The following CDH18 variants were observed in gnomAD, a reference collection of about 807,000 sequenced individuals.
The protein encoded by CDH18 is cadherin-18.
In CDH18, 31 loss-of-function variants were observed where a neutral mutation model predicts 67.9. The ratio of observed to expected loss-of-function variants is 0.46; its 90% CI spans 0.34 to 0.62. The LOEUF (loss-of-function observed/expected upper bound fraction) is 0.62. CDH18 is among the 20% of genes least tolerant of loss of function. The pLI is 0.01. For missense variants in CDH18, 890 were observed against 975.5 expected, an observed-to-expected ratio of 0.91 and a Z score of 1.17; for synonymous variants, 362 against 347.2, an observed-to-expected ratio of 1.04 and a Z score of -0.48.
chr5:19,779,409 T>C (rs538180091), intron 3 of CDH18, among the ~76,000 whole-genome samples: 1 of 152,192 alleles, frequency 6.6e-6, no homozygotes, highest in Non-Finnish European at 1.5e-5. Flanking sequence ...GAATAAATTA[T>C]TGTAACAAAT....
chr5:19,631,844 C>CT (rs1182290527), intron 5 of CDH18, among the ~76,000 whole-genome samples: 1 of 151,968 alleles, frequency 6.6e-6, no homozygotes, highest in African/African-American at 2.4e-5. Flanking sequence ...GGCAATTCCA[C>CT]TTTTTTTGGT....
chr5:20,363,820 A>G (rs1742300834), intron 1 of CDH18, among the ~76,000 whole-genome samples: 1 of 152,130 alleles, frequency 6.6e-6, no homozygotes, highest in Non-Finnish European at 1.5e-5. Context: ...CAGGATAGCA[A>G]AAAAGACCAA....
Position 20,172,196 on chromosome 5 carries a change from A to G in CDH18, c.-518+83248T>C, listed in dbSNP as rs1420850413. Among the ~76,000 whole-genome samples the G allele has an allele frequency of 1.6e-3, 71 of 45,432 alleles. 1 individual carries two copies. Among genetic ancestry groups the G allele is most frequent in the Middle Eastern group, 0.011 (1 of 90 alleles). The allele number at this position is 45,432 out of a possible 152,430, so 29.8% of individuals were successfully genotyped here. A position where few individuals can be genotyped will look rare whatever the true frequency, so the allele number is the denominator to read the frequency against. ...GATATCAATAGCATTGTGTGTATATATATATATATATATATATATATATAT... is the reference window on the plus strand; with the variant it reads ...GATATCAATAGCATTGTGTGTATATGTATATATATATATATATATATATAT... On this transcript the variant is annotated intron_variant, in intron 2 of 14. Transcript: ENST00000507958.
intron 2 of CDH18, among the ~76,000 whole-genome samples, chr5:20,030,454 T>C (rs1739299106): frequency 6.6e-6 from 1 of 152,128 alleles, no homozygotes; most frequent in Admixed American, 6.5e-5. Flanking sequence ...ATTATTGTAG[T>C]TTTTCTAGTA....
chr5:20,456,185 G>A (rs1010924424), intron 1 of CDH18, among the ~76,000 whole-genome samples: 3 of 152,076 alleles, frequency 2.0e-5, no homozygotes, highest in East Asian at 1.9e-4. Context: ...GTAGACTCAC[G>A]ACATGTAAAT....
chr5:20,232,339 A>C (rs982354845), intron 2 of CDH18, among the ~76,000 whole-genome samples: 2 of 152,164 alleles, frequency 1.3e-5, no homozygotes, highest in Non-Finnish European at 1.5e-5. Context: ...CTTGAAGAGA[A>C]AGGCTGAACC....
chr5:20,205,331 A>G (rs77867416), intron 2 of CDH18, among the ~76,000 whole-genome samples: 3,491 of 152,096 alleles, frequency 0.023, 121 homozygotes, highest in African/African-American at 0.079. Context: ...AAGAGGCTAC[A>G]TCAATTATAA....
chr5:20,541,065 A>T (rs1054638452), intron 1 of CDH18, among the ~76,000 whole-genome samples: 5 of 152,328 alleles, frequency 3.3e-5, no homozygotes, highest in Non-Finnish European at 7.4e-5. Flanking sequence ...ATTTCAATCT[A>T]TCGGATTAAA....
Position 20,439,413 on chromosome 5 carries a change from A to T in CDH18, c.-580+136049T>A, listed in dbSNP as rs1179410770. 1.3e-5 allele frequency among the ~76,000 whole-genome samples: 2 copies of T among 151,246 alleles called. 1 individual carries two copies. Among genetic ancestry groups the T allele is most frequent in the African/African-American group, 4.9e-5 (2 of 40,904 alleles). On this transcript the variant is annotated intron_variant, in intron 1 of 14. Coordinates refer to the CDH18 transcript ENST00000507958. ...TCTGAAATGAGAGTTTTCAGACTTG[A>T]AAGATCAGAAACCACAGGACTTAGA...
At chr5:20,553,056 C>T (rs62354284) in intron 1 of CDH18, among the ~76,000 whole-genome samples, 2,773 of 152,032 alleles carry the variant, frequency 0.018, 39 homozygotes, top group African/African-American at 0.03. Flanking sequence ...CCTGGCTTAT[C>T]TTAGGATTTT....
At chr5:20,387,831 G>T (rs1395299476) in intron 1 of CDH18, among the ~76,000 whole-genome samples, 1 of 152,160 alleles carries the variant, frequency 6.6e-6, no homozygotes, top group East Asian at 1.9e-4. Context: ...TAATCACATG[G>T]TTTTTGTCAT....
At chr5:20,280,145 CT>C (rs1224577523) in intron 1 of CDH18, among the ~76,000 whole-genome samples, 2 of 151,378 alleles carry the variant, frequency 1.3e-5, no homozygotes, top group African/African-American at 4.8e-5. Context: ...CATTTCTTTT[CT>C]TTTTAATATT....
At chr5:20,186,299 T>G (rs963851371) in intron 2 of CDH18, among the ~76,000 whole-genome samples, 1 of 151,894 alleles carries the variant, frequency 6.6e-6, no homozygotes, top group South Asian at 2.1e-4. Context: ...AAGTTAGAAT[T>G]TATCAATATT....
intron 1 of CDH18, among the ~76,000 whole-genome samples, chr5:20,317,060 T>C (rs4634353): frequency 0.17 from 26,242 of 151,992 alleles, 2,755 homozygotes; most frequent in East Asian, 0.29. Flanking sequence ...TGATATTTTA[T>C]TAATCATAAA....
At chr5:20,130,501 A>G (rs530985061) in intron 2 of CDH18, among the ~76,000 whole-genome samples, 1 of 151,458 alleles carries the variant, frequency 6.6e-6, no homozygotes, top group Non-Finnish European at 1.5e-5. Flanking sequence ...ATAAATGTTA[A>G]TTTCATCTAA....
intron 1 of CDH18, among the ~76,000 whole-genome samples, chr5:20,293,954 G>A (rs1380809619): frequency 6.6e-6 from 1 of 152,106 alleles, no homozygotes; most frequent in African/African-American, 2.4e-5. Flanking sequence ...GATGTACGTA[G>A]GCATTTTTTA....
upstream of CDH18, among the ~76,000 whole-genome samples, chr5:19,992,634 G>C (rs1024934814): frequency 1.6e-4 from 24 of 151,962 alleles, no homozygotes; most frequent in African/African-American, 5.1e-4. Context: ...TTATTAAAGC[G>C]ATGAACAGAC....
At chr5:20,093,981 A>C (rs939816955) in intron 2 of CDH18, among the ~76,000 whole-genome samples, 1 of 152,184 alleles carries the variant, frequency 6.6e-6, no homozygotes, top group East Asian at 1.9e-4. Context: ...GAGCCTAAGG[A>C]GGTAAGAAGA....
chr5:20,050,655 T>G (rs557677431), intron 2 of CDH18, among the ~76,000 whole-genome samples: 1 of 151,984 alleles, frequency 6.6e-6, no homozygotes, highest in Non-Finnish European at 1.5e-5. Flanking sequence ...ACCAGATTAT[T>G]ATATTTCTTT....
Sources: allele counts gnomAD v4.1 joint callset (sites outside exome capture counted in the v4.1 genomes callset), GRCh38; gene constraint gnomAD v4.1.1; transcripts MANE v1.5; gene names NCBI Gene and HGNC (gene_info 2026-07-23, HGNC 2026-07-21).